The following DENND10 variants were observed in gnomAD, a reference collection of about 807,000 sequenced individuals.
DENND10 encodes the protein DENN domain containing 10.
DENND10 carries 24 observed loss-of-function variants against 43.6 expected under a neutral mutation model. The ratio of observed to expected loss-of-function variants is 0.55; its 90% CI spans 0.40 to 0.77. The LOEUF (loss-of-function observed/expected upper bound fraction) is 0.77. Among genes scored for constraint, DENND10 ranks in the 30% least tolerant of loss-of-function variants. The pLI, the probability that DENND10 is intolerant of heterozygous loss-of-function variation, is 0.00. For missense variants in DENND10, 303 were observed against 429.9 expected (o/e 0.70, Z 2.61); for synonymous variants, 125 against 157.6 (o/e 0.79, Z 1.55).
chr10:119,120,217 C>T (rs775217301), intron 4 of DENND10, 124 bp from the exon 5 acceptor site: 6 of 576,840 alleles, frequency 1.0e-5, no homozygotes, highest in Non-Finnish European at 1.8e-5. Context: ...CACTGCATTC[C>T]AGCCTGGGTG....
Position 119,128,641 on chromosome 10 carries a change from A to G in DENND10, c.695-874A>G, listed in dbSNP as rs555947794. The stretch of plus-strand genomic sequence containing the variant: ...AACAAAAAAACTGAGACTATAATTT[A>G]TAAAGAAAAGAAGTTGAATTGGCTC... On this transcript the variant is annotated intron_variant, in intron 6 of 8. Coordinates refer to ENST00000361432, the MANE Select transcript of DENND10 (RefSeq NM_207009.4). 4.6e-5 allele frequency among the ~76,000 whole-genome samples: 7 copies of G among 151,864 alleles called. No individual in the cohort carries two copies. The South Asian group carries it at 6.2e-4, about 14-fold the overall frequency.
chr10:119,123,297 C>T (rs778622602), intron 5 of DENND10, among the ~76,000 whole-genome samples, 172 bp from the exon 6 acceptor site: 7 of 152,156 alleles, frequency 4.6e-5, no homozygotes, highest in Non-Finnish European at 8.8e-5. Context: ...CATTGCATTG[C>T]TTTAATTTGA....
In DENND10 at chr10:119,132,843, C is replaced by G. The variant is rs1412222697; in HGVS notation, c.897+234C>G. On this transcript the variant is annotated intron_variant, in intron 8 of 8. Coordinates refer to ENST00000361432, the MANE Select transcript of DENND10 (RefSeq NM_207009.4). This position sits in a 1 kb window ranked among gnomAD's most constrained non-coding sequence, Gnocchi z 4.2. ...TATACACAGGGGCTGGTGCTGACACCGACCGCTGGCAATGAGAAATGTAAC... is the reference window on the plus strand; with the variant it reads ...TATACACAGGGGCTGGTGCTGACACGGACCGCTGGCAATGAGAAATGTAAC... 4.2e-6 allele frequency: 2 copies of G among 481,790 alleles called. No homozygotes were observed. Among genetic ancestry groups the G allele is most frequent in the Non-Finnish European group, 7.4e-6 (2 of 269,484 alleles). The allele number at this position is 481,790 out of a possible 1,614,324, so 29.8% of individuals were successfully genotyped here. A position where few individuals can be genotyped will look rare whatever the true frequency, so the allele number is the denominator to read the frequency against.
At position 119,116,452 on chromosome 10, in the gene DENND10, C is replaced by A. The variant is rs202208304; in HGVS notation, c.333-1067C>A. On this transcript the variant is annotated intron_variant, in intron 3 of 8. Transcript: ENST00000361432. ...ACTCCTTTCTCGTCAAAGGAAATCT[C>A]AGTGATAAAACAGAGTTGTATGACT... is the stretch of plus-strand genomic sequence containing the variant. 1.4e-4 allele frequency among the ~76,000 whole-genome samples: 22 copies of A among 152,192 alleles called. No individual in the cohort carries two copies. In the East Asian group the frequency reaches 4.0e-3, roughly 28 times the overall value.
intron 5 of DENND10, among the ~76,000 whole-genome samples, chr10:119,121,917 A>T (rs1328304629): frequency 6.6e-6 from 1 of 152,224 alleles, no homozygotes; most frequent in Non-Finnish European, 1.5e-5. Flanking sequence ...TTGGCAGAGT[A>T]TAGGTATAAG....
Position 119,104,331 on chromosome 10 carries a change from G to A in DENND10, c.55+134G>A, listed in dbSNP as rs564957361. Reference sequence around the variant, plus strand: ...GGAGGGCGCGGCCCCCTCCCTGTTGGGCCTGGACTGGGGACTGCGGAGCCC... The same window carrying A: ...GGAGGGCGCGGCCCCCTCCCTGTTGAGCCTGGACTGGGGACTGCGGAGCCC... On this transcript the variant is annotated intron_variant, in intron 1 of 8. Transcript: ENST00000361432. 3.8e-6 allele frequency: 3 copies of A among 798,358 alleles called. No homozygotes were observed. The African/African-American group carries it at 5.6e-5, about 15-fold the overall frequency. The allele number at this position is 798,358 out of a possible 1,614,324, so 49.5% of individuals were successfully genotyped here. A position where few individuals can be genotyped will look rare whatever the true frequency, so the allele number is the denominator to read the frequency against.
chr10:119,108,324 A>G (rs1564778350), intron 2 of DENND10, among the ~76,000 whole-genome samples, 160 bp downstream of exon 2: 1 of 151,944 alleles, frequency 6.6e-6, no homozygotes, highest in African/African-American at 2.4e-5. Context: ...CTCTACTAAA[A>G]ACACAAAAAT....
At position 119,132,479 on chromosome 10, in the gene DENND10, T is replaced by C; in HGVS notation, c.803-36T>C. On this transcript the variant is annotated intron_variant, in intron 7 of 8. Transcript: ENST00000361432. The surrounding 1 kb of genome is among the most constrained non-coding windows in gnomAD (Gnocchi z 4.2). The stretch of plus-strand genomic sequence containing the variant: ...ATAGATGGCATGATTATTTTTTATG[T>C]CGATTTCTAAATATTCACCTTCTTG... The C allele has an allele frequency of 6.5e-7, 1 of 1,540,486 alleles. No individual in the cohort carries two copies. The highest frequency in any genetic ancestry group is 1.4e-5 in the African/African-American group (1 of 73,472).
intron 3 of DENND10, among the ~76,000 whole-genome samples, chr10:119,115,357 C>T (rs1845198223): frequency 6.7e-6 from 1 of 148,558 alleles, no homozygotes; most frequent in Admixed American, 6.8e-5. Context: ...ACTTTTTTTC[C>T]GTCAAGTTGT....
At chr10:119,135,163 CAAAAAAAAAAAAAAAA>C (rs61460927) in intron 8 of DENND10, 1 of 132,650 alleles carries the variant, frequency 7.5e-6, no homozygotes, top group Non-Finnish European at 1.6e-5. Flanking sequence ...AAAACTGTCT[CAAAAAAAAAAAAAAAA>C]AAAAAAAAGA....
Position 119,121,821 on chromosome 10 carries a change from A to G in DENND10, c.593+1369A>G, listed in dbSNP as rs555778307. Among the ~76,000 whole-genome samples, 5 of 152,256 alleles carry G rather than the reference A, an allele frequency of 3.3e-5. No individual in the cohort carries two copies. The East Asian group carries it at 7.7e-4, about 23-fold the overall frequency. On this transcript the variant is annotated intron_variant, in intron 5 of 8. Transcript: ENST00000361432. ...TTTACTGTATGTCAGGCATTTTGTA[A>G]GATACCTTAAATTATTAAATTTACT...
chr10:119,115,381 A>AGTTTTTTTTTTT (rs1589722688), intron 3 of DENND10, among the ~76,000 whole-genome samples: 1 of 74,182 alleles, frequency 1.3e-5, no homozygotes. Flanking sequence ...TTGAATTGGT[A>AGTTTTTTTTTTT]ATTTTTTTTT....
chr10:119,131,496 G>C (rs1846086933), intron 7 of DENND10, among the ~76,000 whole-genome samples: 1 of 152,128 alleles, frequency 6.6e-6, no homozygotes, highest in African/African-American at 2.4e-5. Flanking sequence ...CCAAATTACA[G>C]CTACATAAAG....
intron 1 of DENND10, chr10:119,105,383 G>T (rs1270035128): frequency 2.2e-5 from 5 of 230,526 alleles, no homozygotes; most frequent in Non-Finnish European, 4.3e-5. Context: ...CACCTCCCAG[G>T]CCCAAACCAT....
intron 3 of DENND10, chr10:119,114,091 C>G (rs192199219): frequency 2.6e-5 from 4 of 152,224 alleles, no homozygotes; most frequent in African/African-American, 9.6e-5. Flanking sequence ...AGAAGGAGGC[C>G]CAGAGGGTTT....
At chr10:119,106,222 C>G (rs1197747128) in intron 1 of DENND10, among the ~76,000 whole-genome samples, 2 of 151,446 alleles carry the variant, frequency 1.3e-5, no homozygotes, top group Non-Finnish European at 2.9e-5. Context: ...GACCCTGTCT[C>G]AGAGAGAGAA....
intron 3 of DENND10, among the ~76,000 whole-genome samples, chr10:119,115,488 C>T (rs1177299386): frequency 2.9e-5 from 3 of 103,902 alleles, no homozygotes; most frequent in Non-Finnish European, 4.1e-5. Flanking sequence ...CCCGGGTTCA[C>T]GCCATTCTCC....
At position 119,137,048 on chromosome 10, in the gene DENND10, T is replaced by G. The variant is rs893402143; in HGVS notation, c.*401T>G. The G allele has an allele frequency of 5.8e-6, 1 of 173,792 alleles. No individual in the cohort carries two copies. Among genetic ancestry groups the G allele is most frequent in the African/African-American group, 2.4e-5 (1 of 41,582 alleles). The allele number at this position is 173,792 out of a possible 1,614,324, so 10.8% of individuals were successfully genotyped here. A position where few individuals can be genotyped will look rare whatever the true frequency, so the allele number is the denominator to read the frequency against. ...AAGCTGCCTGAAACGTTGCTTTGTA[T>G]TCTTCTAGGAAGAACTTTAATTCCT... On this transcript the variant is annotated 3_prime_UTR_variant, in exon 9 of 9. Transcript: ENST00000361432.
chr10:119,129,723 C>T, intron 7 of DENND10, 101 bp downstream of exon 7: 1 of 768,984 alleles, frequency 1.3e-6, no homozygotes, highest in Non-Finnish European at 2.3e-6. Context: ...GGCTTACCAA[C>T]TCTGCTGAAG....
Sources: allele counts gnomAD v4.1 joint callset (sites outside exome capture counted in the v4.1 genomes callset), GRCh38; gene constraint gnomAD v4.1.1; non-coding constraint Gnocchi (gnomAD v3.1); transcripts MANE v1.5; gene names NCBI Gene and HGNC (gene_info 2026-07-23, HGNC 2026-07-21).